THADA: variants seen among roughly 807,000 people sequenced by gnomAD.
THADA encodes tRNA (32-2'-O)-methyltransferase regulator THADA.
Under a neutral mutation model 219.8 loss-of-function variants are expected in THADA, and 213 were observed. The observed-to-expected ratio is 0.97, with a 90% CI of 0.87 to 1.09. The LOEUF is 1.09. Ranked by LOEUF, THADA falls within the 50% of genes least tolerant of loss-of-function variation. THADA has a pLI of 0.00. For missense variants in THADA, 2,956 were observed against 2,311.3 expected, an observed-to-expected ratio of 1.28 and a Z score of -5.72; for synonymous variants, 1,018 against 828.9, an observed-to-expected ratio of 1.23 and a Z score of -3.92.
intron 26 of THADA, among the ~76,000 whole-genome samples, chr2:43,458,652 C>T (rs766485533): frequency 2.0e-5 from 3 of 152,196 alleles, no homozygotes; most frequent in South Asian, 2.1e-4. Flanking sequence ...CCTACATCTC[C>T]GGTTTACAAA....
intron 36 of THADA, among the ~76,000 whole-genome samples, chr2:43,245,172 CTTTTTTT>C (rs200036949): frequency 8.7e-5 from 9 of 103,144 alleles, no homozygotes; most frequent in African/African-American, 4.0e-4. Flanking sequence ...CTTTCTTCTT[CTTTTTTT>C]TTTTTTTTTT....
At chr2:43,413,436 A>G (rs1439866213) in intron 28 of THADA, among the ~76,000 whole-genome samples, 3 of 152,238 alleles carry the variant, frequency 2.0e-5, no homozygotes, top group Admixed American at 6.5e-5. Context: ...ACAGCAGCAT[A>G]AGGTGAGATA....
At chr2:43,378,011 G>A (rs1050165301) in intron 29 of THADA, among the ~76,000 whole-genome samples, 1 of 152,190 alleles carries the variant, frequency 6.6e-6, no homozygotes, top group East Asian at 1.9e-4. Flanking sequence ...ATTTTCACAT[G>A]ATTAGACTGA....
chr2:43,343,184 T>G (rs1421461737), intron 30 of THADA: 1 of 152,144 alleles, frequency 6.6e-6, no homozygotes, highest in East Asian at 1.9e-4. Flanking sequence ...TGCACCACCA[T>G]ACCTGGCTAA....
intron 29 of THADA, among the ~76,000 whole-genome samples, chr2:43,350,320 C>G (rs1388383466): frequency 6.6e-6 from 1 of 152,184 alleles, no homozygotes; most frequent in Non-Finnish European, 1.5e-5. Context: ...CCAATCACAT[C>G]ACTGCTGGGA....
intron 26 of THADA, chr2:43,484,549 G>C (rs544655847): frequency 5.9e-6 from 1 of 168,914 alleles, no homozygotes; most frequent in African/African-American, 2.4e-5. Context: ...ATCCTCTTAA[G>C]TGCTAAAAAA....
At chr2:43,355,262 T>C (rs1668749265) in intron 29 of THADA, among the ~76,000 whole-genome samples, 1 of 152,178 alleles carries the variant, frequency 6.6e-6, no homozygotes, top group African/African-American at 2.4e-5. Context: ...AGTAGTGGGA[T>C]TGCTGGATCA....
At position 43,571,749 on chromosome 2, in the gene THADA, C is replaced by A. The variant is rs541566460; in HGVS notation, c.2022G>T (p.Gln674His). 1.9e-6 allele frequency: 3 copies of A among 1,613,816 alleles called. No homozygotes were observed. Among genetic ancestry groups the A allele is most frequent in the Admixed American group, 3.3e-5 (2 of 60,010 alleles). The change falls in exon 13 of 38, where the codon CAG becomes CAT. Residue 674 changes from glutamine to histidine, a missense_variant. Coordinates refer to ENST00000405975, the MANE Select transcript of THADA (RefSeq NM_022065.5). ...QFFITYNLNS[Q>H]SPGVRQQICS... The stretch of plus-strand genomic sequence containing the variant: ...AGATCTGTTGCCGCACTCCTGGAGA[C>A]TGGCTGTTAAGATTGTATGTAATAA...
At chr2:43,472,166 C>T (rs1684980685) in intron 26 of THADA, among the ~76,000 whole-genome samples, 1 of 152,160 alleles carries the variant, frequency 6.6e-6, no homozygotes, top group Non-Finnish European at 1.5e-5. Flanking sequence ...CATGGGACAG[C>T]CAACCAGTTT....
chr2:43,396,254 C>G (rs775295452), intron 29 of THADA, among the ~76,000 whole-genome samples: 1 of 152,178 alleles, frequency 6.6e-6, no homozygotes, highest in African/African-American at 2.4e-5. Flanking sequence ...ATGGGAGACT[C>G]CTTCCCTTTC....
intron 25 of THADA, among the ~76,000 whole-genome samples, chr2:43,487,501 CAT>C (rs1274628481): frequency 3.3e-5 from 5 of 152,288 alleles, no homozygotes; most frequent in Admixed American, 6.5e-5. Context: ...GCAGGAGACA[CAT>C]GTCTTTTTAG....
intron 29 of THADA, among the ~76,000 whole-genome samples, chr2:43,381,097 C>CAAAAAA (rs58711910): frequency 3.5e-4 from 19 of 54,392 alleles, no homozygotes; most frequent in African/African-American, 1.5e-3. Context: ...GAGACTTTGT[C>CAAAAAA]AAAAAAAAAA....
chr2:43,499,431 G>C (rs2105062940), intron 24 of THADA, among the ~76,000 whole-genome samples: 1 of 152,218 alleles, frequency 6.6e-6, no homozygotes, highest in East Asian at 1.9e-4. Context: ...GGCTGGAACA[G>C]AATGGCACAG....
Position 43,308,758 on chromosome 2 carries a change from C to CAAAAAAAAA in THADA, c.4438+11679_4438+11687dup, listed in dbSNP as rs57697839. The stretch of plus-strand genomic sequence containing the variant: ...GTGCTGAAACATTGGATACCCATAC[C>CAAAAAAAAA]AAAAAAAAAAAAAAAAAAAAAAAAA... On this transcript the variant is annotated intron_variant, in intron 31 of 37. Coordinates refer to ENST00000405975, the MANE Select transcript of THADA (RefSeq NM_022065.5). Among the ~76,000 whole-genome samples the CAAAAAAAAA allele has an allele frequency of 5.3e-4, 27 of 50,862 alleles. 5 individuals carry two copies. The highest frequency in any genetic ancestry group is 6.4e-4 in the Non-Finnish European group (21 of 33,010). 33.4% of individuals were successfully genotyped at this position (50,862 alleles called of 152,430 possible). A position where few individuals can be genotyped will look rare whatever the true frequency, so the allele number is the denominator to read the frequency against.
In THADA at chr2:43,508,087, C is replaced by T. The variant is rs553913131; in HGVS notation, c.3507+561G>A. ...CTGTGGCCTTTGGTAAGTCACTTAA[C>T]GTACCTAAACCCCAGTCTCTTCATC... On this transcript the variant is annotated intron_variant, in intron 23 of 37. Coordinates refer to ENST00000405975, the MANE Select transcript of THADA (RefSeq NM_022065.5). 1.6e-4 allele frequency among the ~76,000 whole-genome samples: 25 copies of T among 152,086 alleles called. No individual in the cohort carries two copies. In the South Asian group the frequency reaches 2.5e-3, roughly 15 times the overall value.
intron 30 of THADA, among the ~76,000 whole-genome samples, chr2:43,325,137 C>T (rs1421541252): frequency 6.6e-6 from 1 of 152,176 alleles, no homozygotes; most frequent in African/African-American, 2.4e-5. Context: ...ATCTCCTGCC[C>T]TCTCTCCTGG....
intron 20 of THADA, among the ~76,000 whole-genome samples, chr2:43,546,910 CATT>C (rs1696104599): frequency 6.6e-6 from 1 of 152,104 alleles, no homozygotes. Context: ...TTGATCCTGT[CATT>C]ATGATGTTAG....
At chr2:43,418,582 T>C (rs1677301870) in intron 28 of THADA, among the ~76,000 whole-genome samples, 2 of 152,166 alleles carry the variant, frequency 1.3e-5, no homozygotes, top group African/African-American at 4.8e-5. Flanking sequence ...AACTTTTGGA[T>C]GTGTGTGAGA....
intron 26 of THADA, among the ~76,000 whole-genome samples, chr2:43,463,581 A>G (rs1229148836): frequency 6.6e-6 from 1 of 152,232 alleles, no homozygotes; most frequent in African/African-American, 2.4e-5. Context: ...ATCGTGCAGT[A>G]TAAAAGAATG....
Sources: allele counts gnomAD v4.1 joint callset (sites outside exome capture counted in the v4.1 genomes callset), GRCh38; gene constraint gnomAD v4.1.1; transcripts MANE v1.5; gene names NCBI Gene and HGNC (gene_info 2026-07-23, HGNC 2026-07-21).